The following PDE4D variants were observed in gnomAD, a reference collection of about 807,000 sequenced individuals.
PDE4D encodes phosphodiesterase 4D.
PDE4D carries 24 observed loss-of-function variants against 87.4 expected under a neutral mutation model. The ratio of observed to expected loss-of-function variants is 0.27; its 90% CI spans 0.20 to 0.39. The LOEUF is 0.39. Among genes scored for constraint, PDE4D ranks in the 10% least tolerant of loss-of-function variants. The probability of loss-of-function intolerance (pLI) is 1.00; values close to 1 mark genes in which losing one functional copy is unlikely to be tolerated. For synonymous variants in PDE4D, 384 were observed against 383.2 expected (o/e 1.00, Z -0.02); for missense variants, 714 against 1,041.0 (o/e 0.69, Z 4.32).
chr5:59,779,880 A>T (rs1222988477), intron 1 of PDE4D, among the ~76,000 whole-genome samples: 1 of 152,212 alleles, frequency 6.6e-6, no homozygotes, highest in Non-Finnish European at 1.5e-5. Flanking sequence ...CAGCATTTTT[A>T]AATTTTAATA....
intron 1 of PDE4D, among the ~76,000 whole-genome samples, chr5:60,452,595 C>T (rs1192208309): frequency 1.3e-5 from 2 of 152,024 alleles, no homozygotes; most frequent in Non-Finnish European, 2.9e-5. Context: ...GATATGTTTG[C>T]ATGCCAAATT....
intron 1 of PDE4D, among the ~76,000 whole-genome samples, chr5:59,842,148 C>T (rs1057246554): frequency 4.6e-5 from 7 of 151,912 alleles, no homozygotes; most frequent in African/African-American, 1.7e-4. Flanking sequence ...TGTTAAGGTG[C>T]TTCAAGACTG....
chr5:59,599,388 T>TTTTA (rs1178115255), intron 1 of PDE4D, among the ~76,000 whole-genome samples: 2 of 142,374 alleles, frequency 1.4e-5, no homozygotes, highest in Admixed American at 6.9e-5. Context: ...ACCCAGCTAT[T>TTTTA]TTTATTTATT....
chr5:59,418,436 C>T (rs1793963222), intron 1 of PDE4D, among the ~76,000 whole-genome samples: 1 of 152,168 alleles, frequency 6.6e-6, no homozygotes, highest in Non-Finnish European at 1.5e-5. Context: ...TCATCTTCAA[C>T]TCTGCATAAC....
chr5:60,240,054 A>T (rs1746904781), intron 1 of PDE4D, among the ~76,000 whole-genome samples: 1 of 152,040 alleles, frequency 6.6e-6, no homozygotes, highest in African/African-American at 2.4e-5. Context: ...TGGTTTCCTT[A>T]CTCAAACATG....
chr5:60,289,117 C>T (rs934784812), intron 1 of PDE4D, among the ~76,000 whole-genome samples: 1 of 152,140 alleles, frequency 6.6e-6, no homozygotes, highest in African/African-American at 2.4e-5. Context: ...GTTCTAAAAG[C>T]AGATAATCTG....
chr5:60,424,720 T>A (rs879995873), intron 1 of PDE4D, among the ~76,000 whole-genome samples: 1 of 152,166 alleles, frequency 6.6e-6, no homozygotes, highest in Non-Finnish European at 1.5e-5. Context: ...GGGAATTCAA[T>A]TAGCAAAAGA....
At chr5:59,785,098 T>C (rs894805525) in intron 1 of PDE4D, among the ~76,000 whole-genome samples, 12 of 152,176 alleles carry the variant, frequency 7.9e-5, no homozygotes, top group African/African-American at 4.8e-5. Context: ...GGCAAATATT[T>C]AGGAAAATTT....
At chr5:59,937,151 A>C (rs1288030766) in intron 3 of PDE4D, among the ~76,000 whole-genome samples, 1 of 152,214 alleles carries the variant, frequency 6.6e-6, no homozygotes, top group Non-Finnish European at 1.5e-5. Context: ...GGAGGCTTAG[A>C]TACATTAGTC....
intron 5 of PDE4D, among the ~76,000 whole-genome samples, chr5:59,137,181 A>C (rs1777201442): frequency 6.6e-6 from 1 of 152,014 alleles, no homozygotes; most frequent in African/African-American, 2.4e-5. Context: ...ACAACTCCCG[A>C]CTTCCCTTGC....
intron 1 of PDE4D, among the ~76,000 whole-genome samples, chr5:59,476,694 G>A (rs575202978): frequency 2.0e-5 from 3 of 151,976 alleles, no homozygotes; most frequent in East Asian, 3.9e-4. Context: ...CTTTAATATA[G>A]ATTATGGTTA....
At chr5:59,550,464 A>G (rs1357051828) in intron 1 of PDE4D, among the ~76,000 whole-genome samples, 2 of 152,322 alleles carry the variant, frequency 1.3e-5, no homozygotes, top group South Asian at 4.1e-4. Flanking sequence ...TTTCACTTTC[A>G]TTGCTAATGA....
At chr5:59,915,291 A>G (rs976638790) in intron 3 of PDE4D, among the ~76,000 whole-genome samples, 4 of 152,210 alleles carry the variant, frequency 2.6e-5, no homozygotes, top group Admixed American at 6.5e-5. Flanking sequence ...TGGACAAATT[A>G]GAAGGAATCA....
chr5:59,622,723 T>C (rs1830483942), intron 1 of PDE4D, among the ~76,000 whole-genome samples: 1 of 152,202 alleles, frequency 6.6e-6, no homozygotes, highest in African/African-American at 2.4e-5. Flanking sequence ...ATCATTCTCC[T>C]GACACTCACC....
intron 1 of PDE4D, among the ~76,000 whole-genome samples, chr5:59,635,545 T>C (rs1463632053): frequency 1.3e-5 from 2 of 152,178 alleles, no homozygotes; most frequent in East Asian, 3.8e-4. Flanking sequence ...TCCACCACGA[T>C]CAAGTCGGCT....
intron 1 of PDE4D, among the ~76,000 whole-genome samples, chr5:59,295,702 A>G (rs959038513): frequency 6.6e-6 from 1 of 152,156 alleles, no homozygotes; most frequent in Non-Finnish European, 1.5e-5. Context: ...AGCAACCGTC[A>G]TGTGAATATC....
intron 1 of PDE4D, among the ~76,000 whole-genome samples, chr5:59,877,068 T>C (rs996646262): frequency 1.3e-5 from 2 of 152,192 alleles, no homozygotes; most frequent in South Asian, 4.1e-4. Flanking sequence ...TTTACAACTC[T>C]ACATGAAAAC....
intron 1 of PDE4D, among the ~76,000 whole-genome samples, chr5:59,686,671 A>T (rs1168498482): frequency 1.3e-5 from 2 of 152,192 alleles, no homozygotes; most frequent in African/African-American, 2.4e-5. Context: ...AAATATACAC[A>T]GGTTATATCT....
At chr5:60,192,588 T>C (rs1373598082) in intron 1 of PDE4D, among the ~76,000 whole-genome samples, 1 of 152,208 alleles carries the variant, frequency 6.6e-6, no homozygotes, top group East Asian at 1.9e-4. Context: ...ATTAAAATCA[T>C]ATATTTTGCA....
Sources: allele counts gnomAD v4.1 joint callset (sites outside exome capture counted in the v4.1 genomes callset), GRCh38; gene constraint gnomAD v4.1.1; transcripts MANE v1.5; gene names NCBI Gene and HGNC (gene_info 2026-07-23, HGNC 2026-07-21).